The following HDAC4 variants were observed in gnomAD, a reference collection of about 807,000 sequenced individuals.
The protein encoded by HDAC4 is histone deacetylase 4.
HDAC4 carries 16 observed loss-of-function variants against 135.1 expected under a neutral mutation model. That is an observed-to-expected ratio of 0.12 (90% CI 0.08 to 0.18). The LOEUF (loss-of-function observed/expected upper bound fraction) is 0.18, where lower values mean the gene tolerates loss of function less well. Among genes scored for constraint, HDAC4 ranks in the 10% least tolerant of loss-of-function variants. The pLI is 1.00. For missense variants in HDAC4, 1,143 were observed against 1,511.8 expected (o/e 0.76, Z 4.05); for synonymous variants, 685 against 653.4 (o/e 1.05, Z -0.74).
At chr2:239,055,575 G>C (rs2031694023) in intron 24 of HDAC4, among the ~76,000 whole-genome samples, 1 of 152,110 alleles carries the variant, frequency 6.6e-6, no homozygotes, top group Non-Finnish European at 1.5e-5. Flanking sequence ...AACTTAGCCA[G>C]GTATGGCGGT....
chr2:239,274,693 C>A (rs2050250693), intron 2 of HDAC4, among the ~76,000 whole-genome samples: 1 of 152,222 alleles, frequency 6.6e-6, no homozygotes, highest in Admixed American at 6.5e-5. Context: ...CACGGCGGGG[C>A]TCTCTCAGCC....
At chr2:239,364,274 C>T (rs1339932920) in intron 1 of HDAC4, among the ~76,000 whole-genome samples, 1 of 152,206 alleles carries the variant, frequency 6.6e-6, no homozygotes, top group African/African-American at 2.4e-5. Context: ...AACCAGAAAC[C>T]TCCCAAACGT....
Position 239,398,923 on chromosome 2 carries a change from C to T in HDAC4, c.-220+2055G>A, listed in dbSNP as rs1053666796. 1.1e-4 allele frequency among the ~76,000 whole-genome samples: 16 copies of T among 152,330 alleles called. No individual in the cohort carries two copies. In the East Asian group the frequency reaches 2.5e-3, roughly 24 times the overall value. On this transcript the variant is annotated intron_variant, in intron 1 of 26. Transcript: ENST00000543185. ...GTTACATCTGCCTGCTGAGTACAGCCGGCTTCTTTTCTAATTGATTACTGC... is the reference window on the plus strand; with the variant it reads ...GTTACATCTGCCTGCTGAGTACAGCTGGCTTCTTTTCTAATTGATTACTGC...
intron 6 of HDAC4, among the ~76,000 whole-genome samples, chr2:239,162,553 G>T (rs1322906641): frequency 6.6e-6 from 1 of 152,220 alleles, no homozygotes; most frequent in Non-Finnish European, 1.5e-5. Flanking sequence ...GCTCCCAGGT[G>T]CCGGTTGCCA....
chr2:239,274,507 A>C (rs911542972), intron 2 of HDAC4, among the ~76,000 whole-genome samples: 10 of 152,244 alleles, frequency 6.6e-5, no homozygotes, highest in African/African-American at 2.4e-4. Flanking sequence ...AGCCACAGCC[A>C]TGACTAACTA....
At chr2:239,266,449 G>C (rs146086649) in intron 2 of HDAC4, among the ~76,000 whole-genome samples, 1 of 152,198 alleles carries the variant, frequency 6.6e-6, no homozygotes, top group Non-Finnish European at 1.5e-5. Flanking sequence ...GCCTGGCCCT[G>C]TGCTGGCCAT....
chr2:239,304,005 C>T (rs963703841), intron 2 of HDAC4, among the ~76,000 whole-genome samples: 8 of 152,214 alleles, frequency 5.3e-5, no homozygotes, highest in African/African-American at 1.9e-4. Flanking sequence ...CCCTGGAGTG[C>T]CCTGTGAGCC....
At chr2:239,101,250 G>C (rs540609720) in intron 16 of HDAC4, among the ~76,000 whole-genome samples, 1 of 152,304 alleles carries the variant, frequency 6.6e-6, no homozygotes, top group East Asian at 1.9e-4. Context: ...CAGCGTGACC[G>C]CCACCCCAGG....
chr2:239,246,490 T>C (rs1359350636), intron 2 of HDAC4, among the ~76,000 whole-genome samples: 2 of 152,140 alleles, frequency 1.3e-5, no homozygotes, highest in East Asian at 1.9e-4. Flanking sequence ...GCACCGAGCA[T>C]AGAGCCAGGT....
At chr2:239,076,782 G>T (rs1559379252) in intron 22 of HDAC4, among the ~76,000 whole-genome samples, 5 of 152,194 alleles carry the variant, frequency 3.3e-5, no homozygotes, top group Non-Finnish European at 5.9e-5. Context: ...CACCCACTTG[G>T]ATGGACACTT....
intron 16 of HDAC4, among the ~76,000 whole-genome samples, chr2:239,098,729 T>C (rs368482482): frequency 6.4e-4 from 98 of 152,326 alleles, no homozygotes; most frequent in South Asian, 3.3e-3. Context: ...CACACAGTAG[T>C]GTTTAAACAC....
intron 2 of HDAC4, among the ~76,000 whole-genome samples, chr2:239,335,936 G>A (rs541869692): frequency 6.6e-6 from 1 of 152,230 alleles, no homozygotes; most frequent in South Asian, 2.1e-4. Context: ...ATACAAGAAT[G>A]TTACAGTAGC....
At position 239,285,534 on chromosome 2, in the gene HDAC4, G is replaced by A. The variant is rs1335935907; in HGVS notation, c.23-48870C>T. 2.0e-5 allele frequency among the ~76,000 whole-genome samples: 3 copies of A among 152,214 alleles called. No individual in the cohort carries two copies. The highest frequency in any genetic ancestry group is 6.5e-5 in the Admixed American group (1 of 15,288). Reference sequence around the variant, plus strand: ...TCATCCCAGCTGGTGGGGAGAAAACGAAGCTGGGTAAAAGGGGCTGAGAGA... The same window carrying A: ...TCATCCCAGCTGGTGGGGAGAAAACAAAGCTGGGTAAAAGGGGCTGAGAGA... On this transcript the variant is annotated intron_variant, in intron 2 of 26. Coordinates refer to ENST00000543185, the MANE Select transcript of HDAC4 (RefSeq NM_001378414.1). The surrounding 1 kb of genome is among the most constrained non-coding windows in gnomAD (Gnocchi z 4.5).
At chr2:239,242,108 A>AGGAG (rs1559273704) in intron 2 of HDAC4, among the ~76,000 whole-genome samples, 4 of 150,656 alleles carry the variant, frequency 2.7e-5, no homozygotes, top group African/African-American at 9.9e-5. Flanking sequence ...GAAGGAGAAA[A>AGGAG]AAAGAAAGAA....
intron 2 of HDAC4, among the ~76,000 whole-genome samples, chr2:239,268,275 C>T (rs539891172): frequency 5.3e-5 from 8 of 152,314 alleles, no homozygotes; most frequent in South Asian, 2.1e-4. Context: ...GTGGCCCTGG[C>T]GGGCCAGGCC....
chr2:239,371,376 T>C (rs1187871058), intron 1 of HDAC4, among the ~76,000 whole-genome samples: 20 of 151,874 alleles, frequency 1.3e-4, no homozygotes, highest in Admixed American at 1.2e-3. Flanking sequence ...TGCGCTCATA[T>C]ACTAACACTT....
At chr2:239,208,721 G>T (rs1406799944) in intron 3 of HDAC4, among the ~76,000 whole-genome samples, 1 of 151,338 alleles carries the variant, frequency 6.6e-6, no homozygotes, top group Non-Finnish European at 1.5e-5. Context: ...AATGTAATAC[G>T]GTGTTAGATA....
rs545374008 is a variant in HDAC4, at chr2:239,349,181, G to A, written c.22+3497C>T. Among the ~76,000 whole-genome samples the A allele has an allele frequency of 6.6e-6, 1 of 152,300 alleles. No individual in the cohort carries two copies. Among genetic ancestry groups the A allele is most frequent in the African/African-American group, 2.4e-5 (1 of 41,578 alleles). Reference sequence around the variant, plus strand: ...GCAAGGGTGAGCCAGGCAGGCAAGAGTGAGCCGGGTGGGCAGGGCGAAGGA... The same window carrying A: ...GCAAGGGTGAGCCAGGCAGGCAAGAATGAGCCGGGTGGGCAGGGCGAAGGA... On this transcript the variant is annotated intron_variant, in intron 2 of 26. Coordinates refer to ENST00000543185, the MANE Select transcript of HDAC4 (RefSeq NM_001378414.1). The surrounding 1 kb of genome is among the most constrained non-coding windows in gnomAD (Gnocchi z 5.7).
chr2:239,241,706 T>C (rs2048183191), intron 2 of HDAC4, among the ~76,000 whole-genome samples: 1 of 152,234 alleles, frequency 6.6e-6, no homozygotes, highest in Non-Finnish European at 1.5e-5. Flanking sequence ...TATGTAAGTC[T>C]CTCATCTACT....
Sources: allele counts gnomAD v4.1 joint callset (sites outside exome capture counted in the v4.1 genomes callset), GRCh38; gene constraint gnomAD v4.1.1; non-coding constraint Gnocchi (gnomAD v3.1); transcripts MANE v1.5; gene names NCBI Gene and HGNC (gene_info 2026-07-23, HGNC 2026-07-21).